Variants in KIF5C observed in about 807,000 individuals in gnomAD.
KIF5C encodes kinesin family member 5C.
Under a neutral mutation model 125.2 loss-of-function variants are expected in KIF5C, and 18 were observed. The ratio of observed to expected loss-of-function variants is 0.14; its 90% CI spans 0.10 to 0.21. The LOEUF (loss-of-function observed/expected upper bound fraction) is 0.21. Among genes scored for constraint, KIF5C ranks in the 10% least tolerant of loss-of-function variants. The pLI is 1.00. For synonymous variants in KIF5C, 405 were observed against 434.0 expected, an observed-to-expected ratio of 0.93 and a Z score of 0.83; for missense variants, 780 against 1,183.8, an observed-to-expected ratio of 0.66 and a Z score of 5.01.
chr2:148,889,001 G>A (rs1320387939), intron 1 of KIF5C, among the ~76,000 whole-genome samples: 1 of 152,114 alleles, frequency 6.6e-6, no homozygotes, highest in Non-Finnish European at 1.5e-5. Context: ...CTTACTCTAG[G>A]TGATGGGCTA....
chr2:149,012,243 C>G (rs552042199), intron 25 of KIF5C, among the ~76,000 whole-genome samples: 14 of 152,268 alleles, frequency 9.2e-5, no homozygotes, highest in Admixed American at 5.9e-4. Context: ...CACGACATTT[C>G]TCTCCCAGCA....
At chr2:148,881,593 C>T (rs1014951713) in intron 1 of KIF5C, among the ~76,000 whole-genome samples, 3 of 152,018 alleles carry the variant, frequency 2.0e-5, no homozygotes, top group African/African-American at 4.8e-5. Flanking sequence ...TGGAGACTTC[C>T]CTCTGCCTCA....
rs71406035 is a variant in KIF5C at position 148,978,334 on chromosome 2, GTTTT to G, written c.1294-563_1294-560del. ...GCTTCTGTCCCTCAGCTGCCCTGAG[GTTTT>G]TTTTTTTTTTTTTTTTTTTTTTTTA... On this transcript the variant is annotated intron_variant, in intron 12 of 25. Transcript: ENST00000435030. Among the ~76,000 whole-genome samples, 382 of 78,648 alleles carry G rather than the reference GTTTT, an allele frequency of 4.9e-3. 2 individuals carry two copies. The highest frequency in any genetic ancestry group is 9.2e-3 in the Admixed American group (47 of 5,102). The allele number at this position is 78,648 out of a possible 152,430, so 51.6% of individuals were successfully genotyped here.
chr2:149,021,421 A>G (rs1682531551), intron 25 of KIF5C, among the ~76,000 whole-genome samples: 1 of 150,806 alleles, frequency 6.6e-6, no homozygotes, highest in South Asian at 2.1e-4. Flanking sequence ...TTTTCTATTC[A>G]GTTTCTGTTC....
chr2:149,004,950 G>A (rs141290721), intron 21 of KIF5C, among the ~76,000 whole-genome samples: 2 of 152,248 alleles, frequency 1.3e-5, no homozygotes, highest in Non-Finnish European at 2.9e-5. Flanking sequence ...GTGGAGACAG[G>A]AAAAATGTGA....
At chr2:148,887,788 T>C (rs1314168375) in intron 1 of KIF5C, among the ~76,000 whole-genome samples, 1 of 152,036 alleles carries the variant, frequency 6.6e-6, no homozygotes, top group Non-Finnish European at 1.5e-5. Flanking sequence ...ACCCAGTAGG[T>C]AGTTTTTCAC....
chr2:148,941,668 C>A lies in KIF5C; in HGVS notation c.445+10C>A. 1 of 1,557,744 alleles carries A rather than the reference C, an allele frequency of 6.4e-7. No homozygotes were observed. Among genetic ancestry groups the A allele is most frequent in the African/African-American group, 1.4e-5 (1 of 73,780 alleles). Reference sequence around the variant, plus strand: ...AGGGACTTACTTGATGGTAAGTAACCTCAGTGCTTGTCCTTTATTTGTTCT... The same window carrying A: ...AGGGACTTACTTGATGGTAAGTAACATCAGTGCTTGTCCTTTATTTGTTCT... On this transcript the variant is annotated intron_variant, in intron 5 of 25. Coordinates refer to ENST00000435030, the MANE Select transcript of KIF5C (RefSeq NM_004522.3).
Position 148,875,477 on chromosome 2 carries a change from G to A in KIF5C, c.-141G>A. Reference sequence around the variant, plus strand: ...CGGGGCTGCTCAGCCGGCCGGGCTCGCGATGACCTGCTGAGAAGCGTCGTC... The same window carrying A: ...CGGGGCTGCTCAGCCGGCCGGGCTCACGATGACCTGCTGAGAAGCGTCGTC... On this transcript the variant is annotated 5_prime_UTR_variant, in exon 1 of 26. Coordinates refer to ENST00000435030, the MANE Select transcript of KIF5C (RefSeq NM_004522.3). The A allele has an allele frequency of 1.5e-6, 1 of 681,784 alleles. No homozygotes were observed. Among genetic ancestry groups the A allele is most frequent in the Admixed American group, 2.6e-5 (1 of 38,200 alleles). The allele number at this position is 681,784 out of a possible 1,614,324, so 42.2% of individuals were successfully genotyped here. A position where few individuals can be genotyped will look rare whatever the true frequency, so the allele number is the denominator to read the frequency against.
chr2:148,942,161 A>G (rs1682424639), intron 6 of KIF5C, among the ~76,000 whole-genome samples, 171 bp downstream of exon 6: 1 of 152,214 alleles, frequency 6.6e-6, no homozygotes, highest in African/African-American at 2.4e-5. Flanking sequence ...ACTTTCTTCA[A>G]TTGTATCTTT....
chr2:148,965,735 G>A lies in KIF5C; in HGVS notation c.1117+3616G>A, dbSNP rs74631903. Among the ~76,000 whole-genome samples, 1,041 of 152,258 alleles carry A rather than the reference G, an allele frequency of 6.8e-3. 18 individuals are homozygous for A. Among genetic ancestry groups the A allele is most frequent in the Middle Eastern group, 0.065 (19 of 294 alleles). ...GACCATGAATGACAGGTCTGAAAAC[G>A]TCCCCAAGTGGATCAGTCTCTGGTA... On this transcript the variant is annotated intron_variant, in intron 11 of 25. Transcript: ENST00000435030.
chr2:148,893,332 C>G (rs1681758452), intron 1 of KIF5C, among the ~76,000 whole-genome samples: 1 of 152,192 alleles, frequency 6.6e-6, no homozygotes, highest in South Asian at 2.1e-4. Context: ...TTTTCTTTTG[C>G]TCACTAAAAT....
At chr2:148,994,397 C>T (rs1289195464) in intron 16 of KIF5C, 24 bp from the exon 17 acceptor site, 1 of 1,549,678 alleles carries the variant, frequency 6.5e-7, no homozygotes, top group Admixed American at 2.0e-5. Flanking sequence ...TAGTCATTCA[C>T]TCTTCCTTTT....
rs780346495 is a variant in KIF5C at position 148,981,465 on chromosome 2, G to A, written c.1473G>A (p.Leu491=). The A allele has an allele frequency of 3.4e-5, 55 of 1,608,560 alleles. 2 individuals are homozygous for A. In the South Asian group the frequency reaches 6.0e-4, roughly 18 times the overall value. The change falls in exon 14 of 26, where the codon CTG becomes CTA. Residue 491 remains leucine (L), a synonymous_variant. Transcript: ENST00000435030. ...KDEVKEVLQA[L]EELAVNYDQK... ...AGGTGAAAGAAGTTCTCCAGGCCCTGGAGGAGCTGGCTGTCAATTATGACC... is the reference window on the plus strand; with the variant it reads ...AGGTGAAAGAAGTTCTCCAGGCCCTAGAGGAGCTGGCTGTCAATTATGACC...
At chr2:148,931,840 T>C (rs1368938106) in intron 3 of KIF5C, among the ~76,000 whole-genome samples, 4 of 152,192 alleles carry the variant, frequency 2.6e-5, no homozygotes, top group East Asian at 1.9e-4. Flanking sequence ...CTGGACAGGT[T>C]TCACCTCCGG....
At chr2:148,940,891 G>A (rs1282280583) in intron 4 of KIF5C, among the ~76,000 whole-genome samples, 5 of 152,124 alleles carry the variant, frequency 3.3e-5, no homozygotes, top group Admixed American at 6.6e-5. Context: ...CATAAGAATC[G>A]CCTGGGCAAC....
intron 11 of KIF5C, among the ~76,000 whole-genome samples, chr2:148,970,590 C>T (rs80249880): frequency 0.029 from 4,485 of 152,324 alleles, 87 homozygotes; most frequent in Middle Eastern, 0.085. Context: ...TGACTACTTT[C>T]ACAGTGCCTT....
chr2:149,009,165 T>C (rs951520978), intron 23 of KIF5C, among the ~76,000 whole-genome samples: 15 of 151,772 alleles, frequency 9.9e-5, no homozygotes, highest in African/African-American at 3.4e-4. Flanking sequence ...AATTTTTTTG[T>C]ATTTTTAGTA....
chr2:148,895,272 G>A (rs1284727492), intron 1 of KIF5C, among the ~76,000 whole-genome samples: 3 of 151,956 alleles, frequency 2.0e-5, no homozygotes, highest in Non-Finnish European at 4.4e-5. Context: ...TGAGTAGCTG[G>A]GATTACAGGT....
chr2:148,960,759 G>A (rs1032741114), intron 10 of KIF5C, among the ~76,000 whole-genome samples: 7 of 152,188 alleles, frequency 4.6e-5, no homozygotes, highest in African/African-American at 1.2e-4. Flanking sequence ...TGCTGACAAC[G>A]GTAATTAACC....
Sources: allele counts gnomAD v4.1 joint callset (sites outside exome capture counted in the v4.1 genomes callset), GRCh38; gene constraint gnomAD v4.1.1; transcripts MANE v1.5; gene names NCBI Gene and HGNC (gene_info 2026-07-23, HGNC 2026-07-21).